HIVEP2: variants seen among roughly 807,000 people sequenced by gnomAD.
The protein encoded by HIVEP2 is transcription factor HIVEP2.
HIVEP2 carries 14 observed loss-of-function variants against 180.7 expected under a neutral mutation model. The ratio of observed to expected loss-of-function variants is 0.08; its 90% CI spans 0.05 to 0.12. The LOEUF (loss-of-function observed/expected upper bound fraction) is 0.12. HIVEP2 is among the 10% of genes least tolerant of loss of function. The probability of loss-of-function intolerance (pLI) is 1.00; values close to 1 mark genes in which losing one functional copy is unlikely to be tolerated. For missense variants in HIVEP2, 2,579 were observed against 3,008.5 expected (o/e 0.86, Z 3.34); for synonymous variants, 1,184 against 1,136.4 (o/e 1.04, Z -0.84).
At chr6:142,884,553 G>C (rs774930490) in intron 1 of HIVEP2, among the ~76,000 whole-genome samples, 1 of 152,010 alleles carries the variant, frequency 6.6e-6, no homozygotes, top group Admixed American at 6.6e-5. Context: ...GAATGATGTC[G>C]TTTCATTCAC....
At chr6:142,873,029 T>C (rs1776333077) in intron 1 of HIVEP2, among the ~76,000 whole-genome samples, 1 of 152,188 alleles carries the variant, frequency 6.6e-6, no homozygotes, top group South Asian at 2.1e-4. Flanking sequence ...ATAACAGCAA[T>C]ATTCCCCTCA....
chr6:142,768,470 T>G lies in HIVEP2; in HGVS notation c.5254A>C (p.Lys1752Gln). Residue 1752 changes from lysine to glutamine, a missense_variant, in exon 6 of 10, where the codon AAG (lysine) becomes CAG (glutamine). Coordinates refer to ENST00000367603, the MANE Select transcript of HIVEP2 (RefSeq NM_006734.4). ...LERKLVGNIL[K>Q]ERGKGDIHGD... Reference sequence around the variant, plus strand: ...TGAATATCTCCTTTCCCTCTTTCCTTTAAGATATTTCCCACTAGTTTCCTT... The same window carrying G: ...TGAATATCTCCTTTCCCTCTTTCCTGTAAGATATTTCCCACTAGTTTCCTT... 6.2e-7 allele frequency: 1 copy of G among 1,613,576 alleles called. No individual in the cohort carries two copies.
At chr6:142,811,220 A>AGT (rs1441666436) in intron 2 of HIVEP2, among the ~76,000 whole-genome samples, 3 of 152,146 alleles carry the variant, frequency 2.0e-5, no homozygotes, top group Non-Finnish European at 2.9e-5. Context: ...AGAGAGAGAG[A>AGT]GAGACAGAGA....
At chr6:142,841,326 G>C (rs1775356692) in intron 1 of HIVEP2, among the ~76,000 whole-genome samples, 1 of 151,814 alleles carries the variant, frequency 6.6e-6, no homozygotes, top group Non-Finnish European at 1.5e-5. Flanking sequence ...CTATTTCTGG[G>C]CTCACCCTTT....
intron 1 of HIVEP2, among the ~76,000 whole-genome samples, chr6:142,934,543 A>T (rs1384778080): frequency 6.6e-6 from 1 of 152,228 alleles, no homozygotes; most frequent in African/African-American, 2.4e-5. Flanking sequence ...AAACTTTGAC[A>T]CATGACTACT....
chr6:142,938,079 G>A (rs550390827), intron 1 of HIVEP2, among the ~76,000 whole-genome samples: 18 of 152,264 alleles, frequency 1.2e-4, no homozygotes, highest in African/African-American at 4.3e-4. Flanking sequence ...TAGAATATGA[G>A]CTGGAAGAAG....
At chr6:142,882,171 CCCAT>C (rs1776587780) in intron 1 of HIVEP2, among the ~76,000 whole-genome samples, 1 of 152,290 alleles carries the variant, frequency 6.6e-6, no homozygotes, top group South Asian at 2.1e-4. Context: ...GAGTATAAAG[CCCAT>C]CCATTTATTA....
intron 1 of HIVEP2, among the ~76,000 whole-genome samples, chr6:142,894,251 G>A (rs1776929842): frequency 6.6e-6 from 1 of 151,930 alleles, no homozygotes; most frequent in South Asian, 2.1e-4. Context: ...ATATATCAAG[G>A]GACGATATAT....
At chr6:142,905,084 T>G (rs751844571) in intron 1 of HIVEP2, among the ~76,000 whole-genome samples, 26 of 152,220 alleles carry the variant, frequency 1.7e-4, no homozygotes, top group Admixed American at 3.9e-4. Flanking sequence ...TTTATCTTTT[T>G]AAACTAAGGG....
chr6:142,885,364 T>C (rs780118792), intron 1 of HIVEP2, among the ~76,000 whole-genome samples: 4 of 150,844 alleles, frequency 2.7e-5, no homozygotes, highest in Non-Finnish European at 5.9e-5. Flanking sequence ...TCCCCCATCA[T>C]CGCTGGAGAA....
intron 2 of HIVEP2, among the ~76,000 whole-genome samples, chr6:142,818,942 A>T (rs1451050151): frequency 6.7e-6 from 1 of 149,220 alleles, no homozygotes; most frequent in East Asian, 2.0e-4. Flanking sequence ...GTTCAAGATC[A>T]GCCAGGGAAA....
intron 1 of HIVEP2, among the ~76,000 whole-genome samples, chr6:142,843,915 G>A (rs1043499888): frequency 4.6e-5 from 7 of 152,142 alleles, no homozygotes; most frequent in African/African-American, 1.7e-4. Context: ...GACTTTCAGA[G>A]CATTAGAATC....
chr6:142,903,838 G>A (rs758181575), intron 1 of HIVEP2, among the ~76,000 whole-genome samples: 91 of 151,400 alleles, frequency 6.0e-4, no homozygotes, highest in Non-Finnish European at 1.2e-3. Flanking sequence ...TATTGCTAAT[G>A]ATTGCACCAA....
chr6:142,877,212 C>T (rs1383441684), intron 1 of HIVEP2, among the ~76,000 whole-genome samples: 1 of 152,162 alleles, frequency 6.6e-6, no homozygotes, highest in Non-Finnish European at 1.5e-5. Context: ...TGGCCATCTT[C>T]ACCATGTAGT....
intron 1 of HIVEP2, among the ~76,000 whole-genome samples, chr6:142,926,590 G>A (rs1777816824): frequency 6.6e-6 from 1 of 152,228 alleles, no homozygotes; most frequent in East Asian, 1.9e-4. Flanking sequence ...GCACCATCAG[G>A]CCCCACTTCG....
chr6:142,758,905 C>T (rs1269062594), intron 9 of HIVEP2, among the ~76,000 whole-genome samples: 1 of 152,106 alleles, frequency 6.6e-6, no homozygotes, highest in African/African-American at 2.4e-5. Flanking sequence ...AGGCTCATGT[C>T]TTTGATTTAT....
Position 142,753,907 on chromosome 6 carries a change from C to T in HIVEP2, c.6541G>A (p.Val2181Ile). 1 of 1,600,626 alleles carries T rather than the reference C, an allele frequency of 6.2e-7. No individual in the cohort carries two copies. The highest frequency in any genetic ancestry group is 1.1e-5 in the South Asian group (1 of 90,440). The change falls in exon 10 of 10, where the codon GTT becomes ATT. Residue 2181 changes from valine to isoleucine, a missense_variant. Transcript: ENST00000367603. Reference protein sequence around the residue: ...PPNLRRGLPQVPYFSLYGDQE... With the variant: ...PPNLRRGLPQIPYFSLYGDQE... ...TCTCCATAGAGACTGAAGTAAGGAA[C>T]CTGAGGTAATCCTCTTCTTAAATTC...
chr6:142,917,395 G>A (rs1009405709), intron 1 of HIVEP2, among the ~76,000 whole-genome samples: 4 of 152,180 alleles, frequency 2.6e-5, no homozygotes, highest in African/African-American at 4.8e-5. Flanking sequence ...GACAGCCACC[G>A]CAGCAGAAGC....
Position 142,797,577 on chromosome 6 carries a change from C to G in HIVEP2, c.-527-13962G>C, listed in dbSNP as rs149483431. Among the ~76,000 whole-genome samples the G allele has an allele frequency of 3.7e-3, 559 of 152,220 alleles. 3 individuals carry two copies. Among genetic ancestry groups the G allele is most frequent in the African/African-American group, 0.013 (536 of 41,548 alleles). On this transcript the variant is annotated intron_variant, in intron 2 of 9. Transcript: ENST00000367603. ...CCCAGATAGTATGGACAAAATACCC[C>G]CTTATTCCCAATTTTGCTTTCTGCA...
Sources: allele counts gnomAD v4.1 joint callset (sites outside exome capture counted in the v4.1 genomes callset), GRCh38; gene constraint gnomAD v4.1.1; transcripts MANE v1.5; gene names NCBI Gene and HGNC (gene_info 2026-07-23, HGNC 2026-07-21).